DNAH14: variants seen among roughly 807,000 people sequenced by gnomAD.
DNAH14 encodes dynein axonemal heavy chain 14.
A neutral mutation model predicts 520.9 loss-of-function variants in DNAH14; 478 were observed. The observed-to-expected ratio is 0.92, with a 90% CI of 0.85 to 0.99. DNAH14 has a LOEUF of 0.99. Ranked by LOEUF, DNAH14 falls within the 50% of genes least tolerant of loss-of-function variation. The pLI, the probability that DNAH14 is intolerant of heterozygous loss-of-function variation, is 0.00. For synonymous variants in DNAH14, 1,581 were observed against 1,757.2 expected, an observed-to-expected ratio of 0.90 and a Z score of 2.51; for missense variants, 4,831 against 5,234.5, an observed-to-expected ratio of 0.92 and a Z score of 2.38.
intron 42 of DNAH14, among the ~76,000 whole-genome samples, chr1:225,240,190 G>A (rs625391): frequency 0.2 from 30,762 of 151,306 alleles, 3,291 homozygotes; most frequent in East Asian, 0.37. Flanking sequence ...GTCAGCTAAT[G>A]AACTGACCTA....
At chr1:225,293,637 G>A (rs1172372326) in intron 55 of DNAH14, among the ~76,000 whole-genome samples, 1 of 152,032 alleles carries the variant, frequency 6.6e-6, no homozygotes, top group African/African-American at 2.4e-5. Flanking sequence ...GACACAGAGG[G>A]GAACCATACA....
At chr1:225,147,683 A>G (rs1293555301) in intron 31 of DNAH14, among the ~76,000 whole-genome samples, 2 of 152,182 alleles carry the variant, frequency 1.3e-5, no homozygotes, top group South Asian at 2.1e-4. Context: ...CAGATTTGTT[A>G]TATAGGTAAA....
At chr1:225,300,767 C>A in intron 55 of DNAH14, 102 bp from the exon 56 acceptor site, 2 of 1,209,338 alleles carry the variant, frequency 1.7e-6, no homozygotes, top group Non-Finnish European at 2.3e-6. Flanking sequence ...AGCCTCAGTT[C>A]TCCTTAATCA....
chr1:224,987,813 A>C (rs988175998), intron 8 of DNAH14, among the ~76,000 whole-genome samples: 2 of 152,002 alleles, frequency 1.3e-5, no homozygotes, highest in East Asian at 3.9e-4. Context: ...TTTTTAGTAG[A>C]GATGAGGTTT....
intron 10 of DNAH14, among the ~76,000 whole-genome samples, chr1:225,010,678 T>G (rs1251953666): frequency 1.3e-5 from 2 of 152,180 alleles, no homozygotes; most frequent in East Asian, 3.8e-4. Context: ...TGGTACCAGC[T>G]CCTCTTTGTA....
intron 43 of DNAH14, among the ~76,000 whole-genome samples, chr1:225,248,774 T>C (rs915994097): frequency 1.3e-5 from 2 of 152,154 alleles, no homozygotes; most frequent in African/African-American, 4.8e-5. Context: ...AAGTCATTTA[T>C]TAGAGTTACT....
chr1:225,304,440 C>T (rs1463788869), intron 57 of DNAH14, among the ~76,000 whole-genome samples: 1 of 151,908 alleles, frequency 6.6e-6, no homozygotes, highest in Non-Finnish European at 1.5e-5. Flanking sequence ...CATCTGTAGT[C>T]CCAGCTACAT....
At chr1:224,976,577 C>T (rs1195543451) in intron 8 of DNAH14, among the ~76,000 whole-genome samples, 5 of 151,994 alleles carry the variant, frequency 3.3e-5, no homozygotes, top group Non-Finnish European at 5.9e-5. Context: ...AAAATTTTCG[C>T]AACCTGCTCA....
chr1:225,040,051 C>A lies in DNAH14; in HGVS notation c.1488+1228C>A, dbSNP rs1035004329. Among the ~76,000 whole-genome samples, 48 of 150,064 alleles carry A rather than the reference C, an allele frequency of 3.2e-4. 1 individual carries two copies. The highest frequency in any genetic ancestry group is 2.7e-4 in the Admixed American group (4 of 15,072). ...CTCCTGGGTTCACGCCATTCTCCTG[C>A]CTCAGCCTCCCGAGTAGCTGGGACT... On this transcript the variant is annotated intron_variant, in intron 12 of 85. Coordinates refer to ENST00000682510, the MANE Select transcript of DNAH14 (RefSeq NM_001367479.1).
intron 64 of DNAH14, among the ~76,000 whole-genome samples, chr1:225,327,804 A>G (rs1199562411): frequency 6.6e-6 from 1 of 152,096 alleles, no homozygotes; most frequent in Non-Finnish European, 1.5e-5. Context: ...TGAAGAGATC[A>G]TCAAAATGAA....
chr1:225,318,804 A>G, intron 61 of DNAH14, 127 bp downstream of exon 61: 1 of 925,072 alleles, frequency 1.1e-6, no homozygotes. Flanking sequence ...ATCTTGGTTT[A>G]AGATTTTTTA....
At chr1:225,173,193 G>A (rs2082908954) in intron 36 of DNAH14, among the ~76,000 whole-genome samples, 6 of 152,110 alleles carry the variant, frequency 3.9e-5, no homozygotes, top group Admixed American at 3.9e-4. Flanking sequence ...CAGGACATAG[G>A]CATGGCCAAG....
chr1:225,080,175 A>G (rs1205465122), intron 18 of DNAH14, among the ~76,000 whole-genome samples: 1 of 152,188 alleles, frequency 6.6e-6, no homozygotes, highest in Non-Finnish European at 1.5e-5. Context: ...AAATGGGCTC[A>G]TGGCATAAAA....
At chr1:225,337,596 G>A in intron 67 of DNAH14, 100 bp downstream of exon 67, 1 of 912,074 alleles carries the variant, frequency 1.1e-6, no homozygotes, top group Non-Finnish European at 1.7e-6. Flanking sequence ...TAACTGTCAG[G>A]GAAAAAATAA....
chr1:224,970,215 G>A (rs190444049), intron 7 of DNAH14, among the ~76,000 whole-genome samples: 1 of 152,218 alleles, frequency 6.6e-6, no homozygotes, highest in African/African-American at 2.4e-5. Context: ...AAAGCTGTAG[G>A]GATGAAATAA....
chr1:225,272,099 T>C (rs771807063), intron 51 of DNAH14, 26 bp downstream of exon 51: 33 of 1,529,084 alleles, frequency 2.2e-5, no homozygotes, highest in Middle Eastern at 4.0e-4. Flanking sequence ...CATTCTCTAG[T>C]TTATTTTTTA....
At chr1:225,209,418 T>C (rs1443057460) in intron 41 of DNAH14, among the ~76,000 whole-genome samples, 1 of 151,772 alleles carries the variant, frequency 6.6e-6, no homozygotes, top group Non-Finnish European at 1.5e-5. Context: ...TCAAGGTTCA[T>C]GGTGGGAACA....
intron 17 of DNAH14, among the ~76,000 whole-genome samples, chr1:225,072,457 G>T (rs531099392): frequency 6.6e-6 from 1 of 152,170 alleles, no homozygotes; most frequent in Admixed American, 6.5e-5. Flanking sequence ...ATGATTTTTA[G>T]CTTCCTTTCA....
In DNAH14 at chr1:225,159,381, A is replaced by T; in HGVS notation, c.5341A>T (p.Ser1781Cys). ...LIVIEAIREA[S>C]LPKCPPEDVP... ...TGTTATCGAGGCTATAAGAGAAGCT[A>T]GTTTGCCAAAATGTCCTCCTGAAGA... Residue 1781 changes from serine to cysteine, a missense_variant, in exon 35 of 86, where the codon AGT becomes TGT. Ser to Cys is a moderately radical substitution (Grantham distance 112, BLOSUM62 -1). Transcript: ENST00000682510. 1 of 1,551,616 alleles carries T rather than the reference A, an allele frequency of 6.4e-7. No individual in the cohort carries two copies. The highest frequency in any genetic ancestry group is 8.7e-7 in the Non-Finnish European group (1 of 1,146,870).
Sources: gnomAD v4.1 joint callset for allele counts (sites outside exome capture counted in the v4.1 genomes callset) on GRCh38, gnomAD v4.1.1 for gene constraint, MANE v1.5 for transcripts, NCBI Gene and HGNC (gene_info 2026-07-23, HGNC 2026-07-21) for gene names.